The following UQCC1 variants were observed in gnomAD, a reference collection of about 807,000 sequenced individuals.
UQCC1 encodes bFGF-repressed Zic-binding protein.
In UQCC1, 38 loss-of-function variants were observed where a neutral mutation model predicts 48.0. That is an observed-to-expected ratio of 0.79 (90% CI 0.61 to 1.04). The LOEUF is 1.04. Ranked by LOEUF, UQCC1 falls within the 50% of genes least tolerant of loss-of-function variation. UQCC1 has a pLI of 0.00. For synonymous variants in UQCC1, 111 were observed against 129.2 expected (o/e 0.86, Z 0.95); for missense variants, 368 against 381.8 (o/e 0.96, Z 0.30).
intron 1 of UQCC1, among the ~76,000 whole-genome samples, chr20:35,403,253 G>A (rs1016164819): frequency 2.0e-5 from 3 of 152,114 alleles, no homozygotes; most frequent in Admixed American, 6.6e-5. Flanking sequence ...CAAAAGAGTA[G>A]AACAAACCCT....
At chr20:35,375,799 CA>C (rs933903178) in intron 4 of UQCC1, among the ~76,000 whole-genome samples, 13 of 151,772 alleles carry the variant, frequency 8.6e-5, no homozygotes, top group Non-Finnish European at 2.9e-5. Context: ...ACCAAAAATA[CA>C]AAAATTAGCT....
At chr20:35,394,705 C>G (rs897742873) in intron 1 of UQCC1, among the ~76,000 whole-genome samples, 2 of 152,196 alleles carry the variant, frequency 1.3e-5, no homozygotes, top group Non-Finnish European at 2.9e-5. Flanking sequence ...GGCAAGGGGT[C>G]TCCATACCAA....
chr20:35,393,537 C>T (rs1344174606), intron 2 of UQCC1, among the ~76,000 whole-genome samples: 1 of 147,616 alleles, frequency 6.8e-6, no homozygotes, highest in Non-Finnish European at 1.5e-5. Context: ...CACACACAGG[C>T]TGAAAAAGAA....
rs534294605 is a variant in UQCC1 at position 35,406,569 on chromosome 20, CAGT to C, written c.24+5368_24+5370del. On this transcript the variant is annotated intron_variant, in intron 1 of 9. Transcript: ENST00000374385. ...GATAAACAAAATGGAAAGAATTTGT[CAGT>C]AGTAGACTTGCCCTGCAAGAATAAG... Among the ~76,000 whole-genome samples, 248 of 152,290 alleles carry C rather than the reference CAGT, an allele frequency of 1.6e-3. 1 individual carries two copies. Among genetic ancestry groups the C allele is most frequent in the African/African-American group, 5.8e-3 (241 of 41,566 alleles).
At chr20:35,380,720 G>A (rs2061855678) in intron 4 of UQCC1, among the ~76,000 whole-genome samples, 1 of 152,144 alleles carries the variant, frequency 6.6e-6, no homozygotes, top group African/African-American at 2.4e-5. Context: ...CAATATTCCA[G>A]CAACCCTGAA....
chr20:35,341,126 C>T (rs919184721), intron 7 of UQCC1, among the ~76,000 whole-genome samples: 5 of 149,960 alleles, frequency 3.3e-5, no homozygotes, highest in African/African-American at 1.2e-4. Flanking sequence ...GAGGCTGAGG[C>T]AGAAGAATCG....
chr20:35,307,849 A>G (rs1568644912), intron 8 of UQCC1, among the ~76,000 whole-genome samples: 2 of 152,228 alleles, frequency 1.3e-5, no homozygotes, highest in African/African-American at 4.8e-5. Context: ...GATACAGTCA[A>G]AACCGTGGGG....
intron 7 of UQCC1, chr20:35,344,640 G>C (rs2061413830): frequency 6.6e-6 from 1 of 152,248 alleles, no homozygotes; most frequent in South Asian, 2.1e-4. Flanking sequence ...AGGGCATGTG[G>C]GAACATTCAG....
chr20:35,336,484 G>T (rs907082450), intron 7 of UQCC1, among the ~76,000 whole-genome samples: 1 of 152,148 alleles, frequency 6.6e-6, no homozygotes, highest in African/African-American at 2.4e-5. Context: ...GGCTCAGATA[G>T]AAGAAAAGGC....
intron 6 of UQCC1, among the ~76,000 whole-genome samples, chr20:35,349,676 A>G (rs1005276360): frequency 2.0e-5 from 3 of 152,194 alleles, no homozygotes; most frequent in East Asian, 3.9e-4. Flanking sequence ...TGACTTAAAC[A>G]TTGTAGAAAA....
chr20:35,351,637 G>A (rs1026870281), intron 6 of UQCC1, among the ~76,000 whole-genome samples: 9 of 152,162 alleles, frequency 5.9e-5, no homozygotes, highest in African/African-American at 2.2e-4. Flanking sequence ...CAGCAATAGT[G>A]AGGTAATGGA....
At chr20:35,411,852 C>A (rs2062370661) in intron 1 of UQCC1, 88 bp downstream of exon 1, 1 of 1,571,188 alleles carries the variant, frequency 6.4e-7, no homozygotes, top group Non-Finnish European at 8.8e-7. Context: ...TTCCCTCCTG[C>A]GATTCCTTCC....
chr20:35,408,126 T>C (rs1243923034), intron 1 of UQCC1, among the ~76,000 whole-genome samples: 1 of 151,920 alleles, frequency 6.6e-6, no homozygotes, highest in Non-Finnish European at 1.5e-5. Flanking sequence ...AGAATGGCAA[T>C]TGTCAAAAAA....
chr20:35,341,426 C>T (rs2061377701), intron 7 of UQCC1, among the ~76,000 whole-genome samples: 1 of 152,050 alleles, frequency 6.6e-6, no homozygotes, highest in African/African-American at 2.4e-5. Flanking sequence ...CAAATATCCT[C>T]AGAATAAAAA....
chr20:35,312,863 A>C (rs1568648555), intron 8 of UQCC1, among the ~76,000 whole-genome samples: 1 of 152,148 alleles, frequency 6.6e-6, no homozygotes, highest in Non-Finnish European at 1.5e-5. Context: ...ATTCATAGAG[A>C]CATAAAGTCA....
At chr20:35,365,421 G>A (rs550583543) in intron 6 of UQCC1, among the ~76,000 whole-genome samples, 5 of 152,186 alleles carry the variant, frequency 3.3e-5, no homozygotes, top group Admixed American at 1.3e-4. Context: ...TTGGGAAGCC[G>A]AGGTAGGTGG....
At chr20:35,329,308 C>T (rs1403447021) in intron 7 of UQCC1, among the ~76,000 whole-genome samples, 2 of 152,144 alleles carry the variant, frequency 1.3e-5, no homozygotes, top group Non-Finnish European at 2.9e-5. Context: ...GGTGAGAGGT[C>T]AGGACTGGAT....
At chr20:35,322,970 C>G (rs1462679184) in intron 7 of UQCC1, among the ~76,000 whole-genome samples, 1 of 151,826 alleles carries the variant, frequency 6.6e-6, no homozygotes, top group Non-Finnish European at 1.5e-5. Flanking sequence ...GCCTCAGCCT[C>G]CTGAGTAGCT....
chr20:35,358,347 ACT>A (rs1186357327), intron 6 of UQCC1, among the ~76,000 whole-genome samples: 1 of 113,198 alleles, frequency 8.8e-6, no homozygotes, highest in Admixed American at 9.8e-5. Context: ...ACAGTGAGAG[ACT>A]CTGTCTCAAA....
Sources: allele counts gnomAD v4.1 joint callset (sites outside exome capture counted in the v4.1 genomes callset), GRCh38; gene constraint gnomAD v4.1.1; transcripts MANE v1.5; gene names NCBI Gene and HGNC (gene_info 2026-07-23, HGNC 2026-07-21).